Variants in GUCY1A2 observed in about 807,000 individuals in gnomAD.
GUCY1A2 encodes the protein guanylate cyclase soluble subunit alpha-2.
GUCY1A2 carries 27 observed loss-of-function variants against 63.5 expected under a neutral mutation model. The observed-to-expected ratio is 0.43, with a 90% CI of 0.31 to 0.59. The LOEUF (loss-of-function observed/expected upper bound fraction) is 0.59, where lower values mean the gene tolerates loss of function less well. GUCY1A2 is among the 20% of genes least tolerant of loss of function. The pLI is 0.11. For missense variants in GUCY1A2, 768 were observed against 913.3 expected (o/e 0.84, Z 2.05); for synonymous variants, 364 against 343.5 (o/e 1.06, Z -0.66).
At chr11:106,986,514 G>C (rs1861403591) in intron 1 of GUCY1A2, among the ~76,000 whole-genome samples, 1 of 152,164 alleles carries the variant, frequency 6.6e-6, no homozygotes, top group Non-Finnish European at 1.5e-5. Flanking sequence ...TAATCTGCAT[G>C]AGGTAATGAG....
chr11:106,837,126 T>C (rs1859127857), intron 4 of GUCY1A2, among the ~76,000 whole-genome samples: 1 of 151,876 alleles, frequency 6.6e-6, no homozygotes, highest in African/African-American at 2.4e-5. Flanking sequence ...AGTTATTTTT[T>C]TCTGATCCTC....
At chr11:107,003,319 T>C (rs1861632950) in intron 1 of GUCY1A2, among the ~76,000 whole-genome samples, 1 of 152,202 alleles carries the variant, frequency 6.6e-6, no homozygotes, top group African/African-American at 2.4e-5. Context: ...AATTTCATTA[T>C]TTTGCAAATA....
At chr11:106,820,590 G>T (rs1418807209) in intron 4 of GUCY1A2, among the ~76,000 whole-genome samples, 2 of 152,130 alleles carry the variant, frequency 1.3e-5, no homozygotes, top group Admixed American at 1.3e-4. Context: ...GTACAGACAG[G>T]GTTTAAACAT....
At chr11:106,828,300 ATT>A (rs60118533) in intron 4 of GUCY1A2, among the ~76,000 whole-genome samples, 32 of 151,344 alleles carry the variant, frequency 2.1e-4, no homozygotes, top group East Asian at 9.8e-4. Context: ...CTTTTCCTAG[ATT>A]TTTTTTTTAA....
chr11:107,018,234 C>A lies in GUCY1A2; in HGVS notation c.-179G>T. The stretch of plus-strand genomic sequence containing the variant: ...CGCGGAGCCCCCCGAGCCGGCTGCT[C>A]ATGGCGGGAACTTGGGGCGCCGCCG... On this transcript the variant is annotated 5_prime_UTR_variant, in exon 1 of 8. An upstream start codon of the reference 5' UTR is lost. Transcript: ENST00000526355. The A allele has an allele frequency of 5.6e-6, 1 of 178,702 alleles. No homozygotes were observed. The highest frequency in any genetic ancestry group is 1.8e-4 in the South Asian group (1 of 5,528). 11.1% of individuals were successfully genotyped at this position (178,702 alleles called of 1,614,324 possible).
At chr11:106,747,214 T>C (rs551356204) in intron 6 of GUCY1A2, among the ~76,000 whole-genome samples, 145 of 152,280 alleles carry the variant, frequency 9.5e-4, no homozygotes, top group Non-Finnish European at 1.8e-3. Flanking sequence ...GGTCTCGATC[T>C]CCTGACCTCG....
chr11:106,997,152 T>C (rs868559449), intron 1 of GUCY1A2, among the ~76,000 whole-genome samples: 2 of 152,178 alleles, frequency 1.3e-5, no homozygotes, highest in South Asian at 4.1e-4. Context: ...TCTAATAAAT[T>C]ATTTATGCCA....
At chr11:106,796,447 G>A (rs1864762508) in intron 5 of GUCY1A2, among the ~76,000 whole-genome samples, 2 of 152,178 alleles carry the variant, frequency 1.3e-5, no homozygotes, top group African/African-American at 2.4e-5. Flanking sequence ...GCTGGTAACA[G>A]CTGTTCCTTT....
At chr11:106,769,608 C>A (rs2135397720) in intron 6 of GUCY1A2, among the ~76,000 whole-genome samples, 1 of 152,184 alleles carries the variant, frequency 6.6e-6, no homozygotes, top group Middle Eastern at 3.4e-3. Context: ...AATGATAAAT[C>A]TATCGGAAAA....
At position 106,986,134 on chromosome 11, in the gene GUCY1A2, A is replaced by T; in HGVS notation, c.304-3T>A. ...AGAGTCTGCTGTATCGTCTGAGGCT[A>T]CAGAATAATAATAATAATAAAAACA... On this transcript the variant is annotated splice_polypyrimidine_tract_variant and splice_region_variant and intron_variant, in intron 1 of 7. Transcript: ENST00000526355. 7.3e-7 allele frequency: 1 copy of T among 1,378,300 alleles called. No homozygotes were observed. The highest frequency in any genetic ancestry group is 1.0e-6 in the Non-Finnish European group (1 of 965,230). The allele number at this position is 1,378,300 out of a possible 1,614,324, so 85.4% of individuals were successfully genotyped here.
chr11:106,936,135 AT>A (rs1285036154), intron 4 of GUCY1A2, among the ~76,000 whole-genome samples: 4 of 152,194 alleles, frequency 2.6e-5, no homozygotes, highest in Non-Finnish European at 4.4e-5. Flanking sequence ...TAACAAAGCT[AT>A]TCACTCAAAC....
chr11:106,811,128 T>A (rs1438813505), intron 4 of GUCY1A2, among the ~76,000 whole-genome samples: 1 of 151,974 alleles, frequency 6.6e-6, no homozygotes, highest in Non-Finnish European at 1.5e-5. Context: ...GAAAAAATAA[T>A]AATTATAATA....
chr11:107,011,178 C>T (rs1021907579), intron 1 of GUCY1A2, among the ~76,000 whole-genome samples: 1 of 152,136 alleles, frequency 6.6e-6, no homozygotes, highest in Non-Finnish European at 1.5e-5. Context: ...AATAGATAGC[C>T]CTTGCAAATA....
intron 3 of GUCY1A2, among the ~76,000 whole-genome samples, chr11:106,960,897 T>TC (rs1861049680): frequency 1.3e-5 from 2 of 151,966 alleles, no homozygotes; most frequent in Admixed American, 1.3e-4. Context: ...CCAGGACACA[T>TC]ACCACAATTT....
chr11:106,715,062 T>G (rs1354362350), intron 6 of GUCY1A2, among the ~76,000 whole-genome samples: 1 of 152,122 alleles, frequency 6.6e-6, no homozygotes, highest in Non-Finnish European at 1.5e-5. Flanking sequence ...GGTTAGGCTA[T>G]CTATCACCCA....
chr11:106,782,624 A>G (rs1017286817), intron 5 of GUCY1A2, among the ~76,000 whole-genome samples: 2 of 152,190 alleles, frequency 1.3e-5, no homozygotes, highest in Non-Finnish European at 2.9e-5. Context: ...AGGATGGGGC[A>G]TAGTAGAGGG....
At chr11:106,751,574 G>A (rs1313219938) in intron 6 of GUCY1A2, among the ~76,000 whole-genome samples, 2 of 152,048 alleles carry the variant, frequency 1.3e-5, no homozygotes, top group East Asian at 3.9e-4. Context: ...CTGAGCTATG[G>A]TTCTTAAGAG....
intron 4 of GUCY1A2, among the ~76,000 whole-genome samples, chr11:106,897,753 C>T (rs1197447903): frequency 1.3e-5 from 2 of 151,192 alleles, no homozygotes; most frequent in Non-Finnish European, 2.9e-5. Flanking sequence ...CTATAAAATT[C>T]CTGGAAGATA....
At chr11:106,878,382 C>T (rs144653775) in intron 4 of GUCY1A2, among the ~76,000 whole-genome samples, 1,943 of 152,064 alleles carry the variant, frequency 0.013, 27 homozygotes, top group South Asian at 0.048. Context: ...AACCTAAATG[C>T]CCATCAATGG....
Sources: allele counts gnomAD v4.1 joint callset (sites outside exome capture counted in the v4.1 genomes callset), GRCh38; gene constraint gnomAD v4.1.1; transcripts MANE v1.5; gene names NCBI Gene and HGNC (gene_info 2026-07-23, HGNC 2026-07-21).